GALK2: variants seen among roughly 807,000 people sequenced by gnomAD.
The protein encoded by GALK2 is N-acetylgalactosamine kinase.
A neutral mutation model predicts 52.4 loss-of-function variants in GALK2; 36 were observed. The observed-to-expected ratio is 0.69, with a 90% CI of 0.53 to 0.91. GALK2 has a LOEUF of 0.91. GALK2 is among the 40% of genes least tolerant of loss of function. The pLI is 0.00. For missense variants in GALK2, 579 were observed against 559.1 expected (o/e 1.04, Z -0.36); for synonymous variants, 176 against 199.1 (o/e 0.88, Z 0.98).
At chr15:49,367,401 T>C (rs748839118) in intron 3 of GALK2, 2 of 1,460,168 alleles carry the variant, frequency 1.4e-6, no homozygotes, top group Non-Finnish European at 1.8e-6. Context: ...GTTTTGAATA[T>C]TATTTTTGAA....
chr15:49,365,558 G>C (rs558563203), intron 3 of GALK2: 1 of 885,720 alleles, frequency 1.1e-6, no homozygotes, highest in Admixed American at 1.7e-5. Context: ...TTTTCAAAAG[G>C]TCCAGCTGCA....
intron 3 of GALK2, among the ~76,000 whole-genome samples, chr15:49,338,150 T>A (rs890002032): frequency 6.6e-6 from 1 of 152,226 alleles, no homozygotes. Flanking sequence ...AATATTGTTA[T>A]GTGTGAACTG....
intron 1 of GALK2, among the ~76,000 whole-genome samples, chr15:49,195,675 GC>G (rs1262067274): frequency 6.6e-6 from 1 of 152,106 alleles, no homozygotes; most frequent in African/African-American, 2.4e-5. Context: ...TTCTGGGGGA[GC>G]ATGGCAGGTT....
intron 2 of GALK2, among the ~76,000 whole-genome samples, chr15:49,202,740 A>G (rs1021845200): frequency 1.3e-5 from 2 of 152,176 alleles, no homozygotes; most frequent in Admixed American, 6.5e-5. Flanking sequence ...GCTGGATCAT[A>G]TGGTGGTTCT....
At chr15:49,358,710 C>G (rs1197806175) in intron 3 of GALK2, among the ~76,000 whole-genome samples, 1 of 151,420 alleles carries the variant, frequency 6.6e-6, no homozygotes, top group Non-Finnish European at 1.5e-5. Context: ...CTACCAATGA[C>G]TTTCTTCACA....
intron 1 of GALK2, among the ~76,000 whole-genome samples, chr15:49,178,046 A>G (rs1038075931): frequency 6.6e-6 from 1 of 150,426 alleles, no homozygotes; most frequent in African/African-American, 2.4e-5. Flanking sequence ...GCGCACACCT[A>G]TAATCCCAGC....
chr15:49,260,838 G>T (rs962600209), intron 5 of GALK2, among the ~76,000 whole-genome samples: 1 of 152,106 alleles, frequency 6.6e-6, no homozygotes, highest in Non-Finnish European at 1.5e-5. Context: ...TTTCCCCATT[G>T]CTTGTTTTTC....
intron 3 of GALK2, among the ~76,000 whole-genome samples, chr15:49,345,543 C>A (rs79585476): frequency 0.022 from 3,379 of 152,280 alleles, 101 homozygotes; most frequent in South Asian, 0.077. Context: ...AGACCATATA[C>A]ATTATGAACA....
At chr15:49,257,221 C>T (rs1278168620) in intron 5 of GALK2, among the ~76,000 whole-genome samples, 1 of 152,138 alleles carries the variant, frequency 6.6e-6, no homozygotes, top group Non-Finnish European at 1.5e-5. Flanking sequence ...CTGTTATATA[C>T]AGACATAAAT....
At chr15:49,224,860 T>C (rs1463527516) in intron 3 of GALK2, among the ~76,000 whole-genome samples, 1 of 152,226 alleles carries the variant, frequency 6.6e-6, no homozygotes, top group African/African-American at 2.4e-5. Context: ...AAATGGAGGA[T>C]AGTCAATTGG....
At chr15:49,292,673 C>A (rs2034055639) in intron 8 of GALK2, 136 bp downstream of exon 8, 1 of 687,440 alleles carries the variant, frequency 1.5e-6, no homozygotes, top group Middle Eastern at 4.1e-4. Context: ...TATTTAGAAT[C>A]TTAGCTTCAT....
intron 3 of GALK2, among the ~76,000 whole-genome samples, chr15:49,358,199 C>A (rs1012786781): frequency 1.6e-4 from 24 of 151,266 alleles, no homozygotes; most frequent in Non-Finnish European, 5.9e-5. Flanking sequence ...GCCCTCCTCA[C>A]CACTCCTATT....
At chr15:49,253,366 C>T (rs1347170505) in intron 5 of GALK2, among the ~76,000 whole-genome samples, 4 of 144,240 alleles carry the variant, frequency 2.8e-5, no homozygotes, top group East Asian at 1.9e-4. Context: ...TATCTTTAGA[C>T]GCTTACTCAG....
At chr15:49,296,455 T>G (rs1039318382) in intron 8 of GALK2, among the ~76,000 whole-genome samples, 2 of 152,240 alleles carry the variant, frequency 1.3e-5, no homozygotes, top group Non-Finnish European at 2.9e-5. Context: ...AGGACATTAT[T>G]TCATTCCTTT....
rs998826765 is a variant in GALK2 at position 49,254,603 on chromosome 15, T to C, written c.504+15236T>C. 2.1e-5 allele frequency among the ~76,000 whole-genome samples: 3 copies of C among 144,180 alleles called. 1 individual carries two copies. The highest frequency in any genetic ancestry group is 4.7e-5 in the Non-Finnish European group (3 of 64,186). 94.6% of individuals were successfully genotyped at this position (144,180 alleles called of 152,430 possible). A position where few individuals can be genotyped will look rare whatever the true frequency, so the allele number is the denominator to read the frequency against. On this transcript the variant is annotated intron_variant, in intron 5 of 9. Transcript: ENST00000560031. ...ATAAATAGTTCTTCAAATGTCACTATGGTTTAAATTTGGTGATAAAGCAGA... is the reference window on the plus strand; with the variant it reads ...ATAAATAGTTCTTCAAATGTCACTACGGTTTAAATTTGGTGATAAAGCAGA...
chr15:49,282,140 A>T, intron 6 of GALK2, 55 bp downstream of exon 6: 3 of 1,322,072 alleles, frequency 2.3e-6, no homozygotes, highest in Admixed American at 1.7e-5. Context: ...GAAAATTTAC[A>T]TGGAGAAGAA....
At chr15:49,270,654 C>T (rs891286037) in intron 5 of GALK2, among the ~76,000 whole-genome samples, 6 of 152,076 alleles carry the variant, frequency 3.9e-5, no homozygotes, top group Non-Finnish European at 7.4e-5. Flanking sequence ...AAAGTGTTTG[C>T]GAATTAACTA....
At chr15:49,170,056 G>C, upstream of GALK2, 1 of 570,732 alleles carries the variant, frequency 1.8e-6, no homozygotes, top group Non-Finnish European at 2.8e-6. Flanking sequence ...GCTCCTGCGA[G>C]GCCCTAGTCC....
chr15:49,325,354 A>C (rs1050899878), intron 9 of GALK2, among the ~76,000 whole-genome samples: 1 of 152,170 alleles, frequency 6.6e-6, no homozygotes, highest in Non-Finnish European at 1.5e-5. Flanking sequence ...GGTTTTTGTA[A>C]TTCTTGTATT....
Sources: allele counts gnomAD v4.1 joint callset (sites outside exome capture counted in the v4.1 genomes callset), GRCh38; gene constraint gnomAD v4.1.1; transcripts MANE v1.5; gene names NCBI Gene and HGNC (gene_info 2026-07-23, HGNC 2026-07-21).